Variants in FRRS1L observed in about 807,000 individuals in gnomAD.
FRRS1L encodes ferric chelate reductase 1 like, also known as DOMON domain-containing protein FRRS1L.
FRRS1L carries 22 observed loss-of-function variants against 28.6 expected under a neutral mutation model. The observed-to-expected ratio is 0.77, with a 90% CI of 0.55 to 1.10. The LOEUF (loss-of-function observed/expected upper bound fraction) is 1.10, where lower values mean the gene tolerates loss of function less well. FRRS1L is among the 50% of genes least tolerant of loss of function. The probability of loss-of-function intolerance (pLI) is 0.00; values close to 1 mark genes in which losing one functional copy is unlikely to be tolerated. For missense variants in FRRS1L, 380 were observed against 386.9 expected (o/e 0.98, Z 0.15); for synonymous variants, 158 against 151.4 (o/e 1.04, Z -0.32).
intron 2 of FRRS1L, chr9:109,147,500 A>G (rs1257606922): frequency 4.0e-6 from 1 of 247,484 alleles, no homozygotes; most frequent in Non-Finnish European, 7.7e-6. Context: ...TCTACATTAT[A>G]TTAGTATTAG....
chr9:109,139,682 C>G (rs547016128), intron 4 of FRRS1L: 1 of 152,064 alleles, frequency 6.6e-6, no homozygotes, highest in South Asian at 2.1e-4. Flanking sequence ...CCCAGGGTAC[C>G]GAAAGTAATT....
rs970787918 is a variant in FRRS1L, at chr9:109,136,515, T to G, written c.*940A>C. 6.6e-6 allele frequency: 1 copy of G among 151,936 alleles called. No individual in the cohort carries two copies. Among genetic ancestry groups the G allele is most frequent in the African/African-American group, 2.4e-5 (1 of 41,352 alleles). 9.4% of individuals were successfully genotyped at this position (151,936 alleles called of 1,614,324 possible). Reference sequence around the variant, plus strand: ...ACTGAGAAGAAATTTCAAATAAATATTATTTATTTAGTTAGTTATTTTTGA... The same window carrying G: ...ACTGAGAAGAAATTTCAAATAAATAGTATTTATTTAGTTAGTTATTTTTGA... On this transcript the variant is annotated 3_prime_UTR_variant, in exon 5 of 5. Transcript: ENST00000561981.
chr9:109,137,861 C>G (rs1485995373), intron 4 of FRRS1L: 4 of 242,952 alleles, frequency 1.6e-5, no homozygotes, highest in African/African-American at 4.5e-5. Context: ...TTAATCTGCA[C>G]TCCCCCATCA....
At chr9:109,146,976 A>T in intron 3 of FRRS1L, 75 bp downstream of exon 3, 1 of 1,349,480 alleles carries the variant, frequency 7.4e-7, no homozygotes, top group Non-Finnish European at 1.1e-6. Context: ...TTGATCAATT[A>T]ACTTGCTTCT....
At position 109,141,526 on chromosome 9, in the gene FRRS1L, A is replaced by G. The variant is rs773816153; in HGVS notation, c.526T>C (p.Tyr176His). ...DNGRVRIQHF[Y>H]NVGQWAKEIQ... ...TCCTTTGCCCACTGGCCTACATTAT[A>G]GAAGTGCTGTATGCGGACCCTGCCA... The change falls in exon 4 of 5, where the codon TAT becomes CAT. Residue 176 changes from tyrosine (Y) to histidine (H), a missense_variant. By Grantham distance (83) the Tyr-to-His change is moderately conservative. Coordinates refer to ENST00000561981, the MANE Select transcript of FRRS1L (RefSeq NM_014334.4). 1.9e-6 allele frequency: 3 copies of G among 1,614,178 alleles called. No homozygotes were observed. The highest frequency in any genetic ancestry group is 2.5e-6 in the Non-Finnish European group (3 of 1,180,012).
At chr9:109,148,843 C>A (rs1191316514) in intron 2 of FRRS1L, among the ~76,000 whole-genome samples, 1 of 152,154 alleles carries the variant, frequency 6.6e-6, no homozygotes, top group Non-Finnish European at 1.5e-5. Context: ...CCATCTTCCT[C>A]AATAAGAACA....
Position 109,135,061 on chromosome 9 carries a change from G to A in FRRS1L, c.*2394C>T, listed in dbSNP as rs918735758. 3 of 152,304 alleles carry A rather than the reference G, an allele frequency of 2.0e-5. No homozygotes were observed. The highest frequency in any genetic ancestry group is 4.4e-5 in the Non-Finnish European group (3 of 68,050). 9.4% of individuals were successfully genotyped at this position (152,304 alleles called of 1,614,324 possible). Reference sequence around the variant, plus strand: ...AGAATTTCTCCTCCATCCCTCCTTGGAAGCTTTTGGTAACTGTGTTTGTTG... The same window carrying A: ...AGAATTTCTCCTCCATCCCTCCTTGAAAGCTTTTGGTAACTGTGTTTGTTG... On this transcript the variant is annotated 3_prime_UTR_variant, in exon 5 of 5. Coordinates refer to ENST00000561981, the MANE Select transcript of FRRS1L (RefSeq NM_014334.4).
At chr9:109,145,505 C>T (rs888209978) in intron 3 of FRRS1L, among the ~76,000 whole-genome samples, 2 of 152,172 alleles carry the variant, frequency 1.3e-5, no homozygotes, top group African/African-American at 4.8e-5. Context: ...CGAGACCAGC[C>T]TGGCCAACGT....
At chr9:109,156,452 G>C (rs1014698937) in intron 1 of FRRS1L, among the ~76,000 whole-genome samples, 2 of 152,002 alleles carry the variant, frequency 1.3e-5, no homozygotes, top group African/African-American at 4.8e-5. Flanking sequence ...GCAGTGGCAC[G>C]ATCTCGCCTC....
At chr9:109,165,658 C>T (rs1263906426) in intron 1 of FRRS1L, among the ~76,000 whole-genome samples, 4 of 152,222 alleles carry the variant, frequency 2.6e-5, no homozygotes, top group Admixed American at 2.6e-4. Context: ...CATATTATGT[C>T]TCAGCTAATA....
chr9:109,163,594 G>A lies in FRRS1L; in HGVS notation c.238+3307C>T, dbSNP rs1438666982. ...AGGGTTTTGGGCAATCTGGATACTG[G>A]GGAAATAGTCTCTGGGTAGGGTAGG... On this transcript the variant is annotated intron_variant, in intron 1 of 4. Coordinates refer to ENST00000561981, the MANE Select transcript of FRRS1L (RefSeq NM_014334.4). Among the ~76,000 whole-genome samples the A allele has an allele frequency of 2.6e-5, 4 of 152,138 alleles. No homozygotes were observed. In the East Asian group the frequency reaches 7.7e-4, roughly 29 times the overall value.
In FRRS1L at chr9:109,137,409, C is replaced by T. The variant is rs1453689956; in HGVS notation, c.*46G>A. 2 of 1,192,508 alleles carry T rather than the reference C, an allele frequency of 1.7e-6. No individual in the cohort carries two copies. The highest frequency in any genetic ancestry group is 2.3e-6 in the Non-Finnish European group (2 of 880,606). The allele number at this position is 1,192,508 out of a possible 1,614,324, so 73.9% of individuals were successfully genotyped here. A position where few individuals can be genotyped will look rare whatever the true frequency, so the allele number is the denominator to read the frequency against. On this transcript the variant is annotated 3_prime_UTR_variant, in exon 5 of 5. Transcript: ENST00000561981. ...ATATTCTTTAAAAAATATATTTATA[C>T]TAAAGACTTCCCAATCCATGTAATC...
At chr9:109,149,934 T>G (rs1831310922) in intron 1 of FRRS1L, 1 of 502,982 alleles carries the variant, frequency 2.0e-6, no homozygotes. Flanking sequence ...TGAGAGTAGG[T>G]GTGTCCTTTT....
rs1554732084 is a variant in FRRS1L at position 109,137,475 on chromosome 9, G to C, written c.862C>G (p.Leu288Val). 35 of 1,608,836 alleles carry C rather than the reference G, an allele frequency of 2.2e-5. No homozygotes were observed. Among genetic ancestry groups the C allele is most frequent in the Non-Finnish European group, 3.0e-5 (35 of 1,176,802 alleles). ...LLLIVALTFYLLMGTP is the reference protein window; with the variant it reads ...LLLIVALTFYVLMGTP ...TGTGGTTAGGGGGTTCCCATCAATA[G>C]GTAGAAGGTCAGAGCAACAATCAGA... Residue 288 changes from leucine (L) to valine (V), a missense_variant, in exon 5 of 5, where the codon CTA becomes GTA. By Grantham distance (32) the Leu-to-Val change is conservative. Coordinates refer to ENST00000561981, the MANE Select transcript of FRRS1L (RefSeq NM_014334.4).
chr9:109,152,932 T>C (rs1159486911), intron 1 of FRRS1L, among the ~76,000 whole-genome samples: 1 of 149,440 alleles, frequency 6.7e-6, no homozygotes, highest in Non-Finnish European at 1.5e-5. Flanking sequence ...TGTTGGCAAA[T>C]GGCTTCTCAG....
chr9:109,141,889 CA>C (rs1166458184), intron 3 of FRRS1L, among the ~76,000 whole-genome samples: 1 of 130,586 alleles, frequency 7.7e-6, no homozygotes, highest in Admixed American at 8.3e-5. Flanking sequence ...GGTCATTCTA[CA>C]AAAAAAATTA....
intron 3 of FRRS1L, among the ~76,000 whole-genome samples, chr9:109,146,101 G>T (rs1831257037): frequency 6.6e-6 from 1 of 151,630 alleles, no homozygotes; most frequent in African/African-American, 2.4e-5. Flanking sequence ...GGATGCTGAG[G>T]CAGGAGAATC....
At chr9:109,158,522 A>G (rs1831437886) in intron 1 of FRRS1L, among the ~76,000 whole-genome samples, 1 of 152,158 alleles carries the variant, frequency 6.6e-6, no homozygotes, top group Admixed American at 6.6e-5. Flanking sequence ...CCTGGCAACC[A>G]TGAATCCACT....
intron 1 of FRRS1L, among the ~76,000 whole-genome samples, chr9:109,155,098 C>T (rs981873235): frequency 3.3e-5 from 5 of 152,214 alleles, no homozygotes; most frequent in Non-Finnish European, 5.9e-5. Flanking sequence ...GCCATGCTGC[C>T]CACAGCTCCA....
Sources: gnomAD v4.1 joint callset for allele counts (sites outside exome capture counted in the v4.1 genomes callset) on GRCh38, gnomAD v4.1.1 for gene constraint, MANE v1.5 for transcripts, NCBI Gene and HGNC (gene_info 2026-07-23, HGNC 2026-07-21) for gene names.